HDAC9: variants seen among roughly 807,000 people sequenced by gnomAD.
HDAC9 encodes the protein MEF-2 interacting transcription repressor (MITR) protein.
HDAC9 carries 41 observed loss-of-function variants against 139.4 expected under a neutral mutation model. The observed-to-expected ratio is 0.29, with a 90% CI of 0.23 to 0.38. The LOEUF (loss-of-function observed/expected upper bound fraction) is 0.38. Ranked by LOEUF, HDAC9 falls within the 10% of genes least tolerant of loss-of-function variation. HDAC9 has a pLI of 1.00. For synonymous variants in HDAC9, 517 were observed against 476.2 expected, an observed-to-expected ratio of 1.09 and a Z score of -1.12; for missense variants, 1,147 against 1,297.0, an observed-to-expected ratio of 0.88 and a Z score of 1.78.
intron 2 of HDAC9, among the ~76,000 whole-genome samples, chr7:18,168,933 A>T (rs1267470147): frequency 9.4e-6 from 1 of 106,668 alleles, no homozygotes; most frequent in African/African-American, 4.2e-5. Flanking sequence ...GTGTGCGCGC[A>T]TGTGTCTCTG....
chr7:18,251,940 G>A (rs560639800), intron 2 of HDAC9, among the ~76,000 whole-genome samples: 30 of 152,238 alleles, frequency 2.0e-4, no homozygotes, highest in African/African-American at 7.0e-4. Flanking sequence ...GTATGTCCCC[G>A]AGAGTGCACT....
At chr7:18,161,593 A>C (rs769665739) in intron 1 of HDAC9, among the ~76,000 whole-genome samples, 1 of 152,180 alleles carries the variant, frequency 6.6e-6, no homozygotes, top group Non-Finnish European at 1.5e-5. Context: ...ATTAAAATTA[A>C]AAGCAGAAAG....
rs550872826 is a variant in HDAC9 at position 18,832,327 on chromosome 7, C to G, written c.2466+2779C>G. On this transcript the variant is annotated intron_variant, in intron 19 of 25. Coordinates refer to ENST00000686413, the MANE Select transcript of HDAC9 (RefSeq NM_178425.4). ...CGTTGTTGATCAAGTACATTTAGAT[C>G]TTTATTACAAGTCCCTATACTGAGT... Among the ~76,000 whole-genome samples, 83 of 152,280 alleles carry G rather than the reference C, an allele frequency of 5.5e-4. 1 individual carries two copies. The South Asian group carries it at 0.014, about 27-fold the overall frequency.
At chr7:18,763,189 TC>T (rs1300400844) in intron 15 of HDAC9, among the ~76,000 whole-genome samples, 1 of 152,168 alleles carries the variant, frequency 6.6e-6, no homozygotes, top group East Asian at 1.9e-4. Flanking sequence ...TATTAACTGG[TC>T]CTAAACAATT....
intron 14 of HDAC9, among the ~76,000 whole-genome samples, chr7:18,758,386 C>A (rs1043882541): frequency 1.3e-5 from 2 of 152,270 alleles, no homozygotes; most frequent in Admixed American, 1.3e-4. Context: ...TATTTTTTGA[C>A]TCTTTATGCT....
At chr7:18,343,215 T>G (rs995022700) in intron 1 of HDAC9, among the ~76,000 whole-genome samples, 20 of 151,918 alleles carry the variant, frequency 1.3e-4, no homozygotes, top group Middle Eastern at 3.4e-3. Flanking sequence ...ACTCATCAGT[T>G]TTTTTTAGGC....
At position 18,656,619 on chromosome 7, in the gene HDAC9, A is replaced by T. The variant is rs540216856; in HGVS notation, c.1467+7936A>T. ...CATAAACAGCAAATTTTTGAGGTTT[A>T]CAGTGAGGATTACATGAGAGAACAT... is the stretch of plus-strand genomic sequence containing the variant. On this transcript the variant is annotated intron_variant, in intron 11 of 25. Transcript: ENST00000686413. 4.6e-5 allele frequency among the ~76,000 whole-genome samples: 7 copies of T among 152,308 alleles called. No individual in the cohort carries two copies. In the East Asian group the frequency reaches 1.4e-3, roughly 29 times the overall value.
intron 16 of HDAC9, among the ~76,000 whole-genome samples, chr7:18,792,371 T>C (rs2129178626): frequency 6.6e-6 from 1 of 152,030 alleles, no homozygotes; most frequent in East Asian, 1.9e-4. Context: ...TATTTCCTGG[T>C]GCTTCAAATA....
intron 2 of HDAC9, among the ~76,000 whole-genome samples, chr7:18,245,864 A>C (rs1275771598): frequency 6.6e-6 from 1 of 152,016 alleles, no homozygotes; most frequent in African/African-American, 2.4e-5. Context: ...CCTGATATAT[A>C]TTTTTGAAAT....
Position 18,195,531 on chromosome 7 carries a change from GA to G in HDAC9, c.25+33187del, listed in dbSNP as rs1285244440. 8.5e-5 allele frequency among the ~76,000 whole-genome samples: 13 copies of G among 152,098 alleles called. 1 individual carries two copies. Among genetic ancestry groups the G allele is most frequent in the Non-Finnish European group, 1.3e-4 (9 of 68,006 alleles). On this transcript the variant is annotated intron_variant, in intron 2 of 12. Transcript: ENST00000417496. ...TGAGGTTTGTTGCCAAACAATTTCT[GA>G]AAAATCTTTTGTTCTTTAGGATCAG...
At chr7:18,819,600 C>T (rs368281994) in intron 17 of HDAC9, among the ~76,000 whole-genome samples, 20 of 152,180 alleles carry the variant, frequency 1.3e-4, no homozygotes, top group South Asian at 4.1e-4. Context: ...CTTGTACTTC[C>T]GCATATGGTC....
chr7:18,250,241 C>T (rs894287037), intron 2 of HDAC9, among the ~76,000 whole-genome samples: 8 of 152,304 alleles, frequency 5.3e-5, no homozygotes, highest in Non-Finnish European at 8.8e-5. Flanking sequence ...GGTTTAGAGG[C>T]AACATCTAAA....
intron 22 of HDAC9, among the ~76,000 whole-genome samples, chr7:18,883,182 A>C (rs554858206): frequency 3.3e-5 from 5 of 152,298 alleles, no homozygotes; most frequent in African/African-American, 1.2e-4. Flanking sequence ...GAATATGCCA[A>C]TGCAGAATAA....
chr7:18,208,820 A>G (rs754656427), intron 2 of HDAC9, among the ~76,000 whole-genome samples: 1 of 152,240 alleles, frequency 6.6e-6, no homozygotes, highest in Non-Finnish European at 1.5e-5. Context: ...TGAAAAATAA[A>G]GAGAGACTGG....
At chr7:18,341,795 T>A (rs543798159) in intron 1 of HDAC9, among the ~76,000 whole-genome samples, 2 of 151,978 alleles carry the variant, frequency 1.3e-5, no homozygotes, top group Admixed American at 6.6e-5. Flanking sequence ...TTTTTTATTA[T>A]ATGTGAAATA....
At chr7:18,101,481 T>A (rs1238622271) in intron 1 of HDAC9, among the ~76,000 whole-genome samples, 1 of 152,232 alleles carries the variant, frequency 6.6e-6, no homozygotes, top group Non-Finnish European at 1.5e-5. Flanking sequence ...CAATCCCTCT[T>A]ACTCAGTCTT....
At chr7:18,136,453 T>C (rs1442400923) in intron 1 of HDAC9, among the ~76,000 whole-genome samples, 1 of 152,084 alleles carries the variant, frequency 6.6e-6, no homozygotes, top group Non-Finnish European at 1.5e-5. Context: ...CGTTTAAGTC[T>C]TTAATCCATC....
At chr7:18,290,453 G>C (rs937036278) in exon 1 of HDAC9, 11 of 456,248 alleles carry the variant, frequency 2.4e-5, no homozygotes, top group Middle Eastern at 3.2e-4. Context: ...AAGTTCAGAA[G>C]GACTGAGCTA....
chr7:18,133,061 G>A (rs1785130559), intron 1 of HDAC9, among the ~76,000 whole-genome samples: 2 of 152,014 alleles, frequency 1.3e-5, no homozygotes, highest in South Asian at 4.1e-4. Context: ...TGATAGCAGT[G>A]GTCTGTTTGT....
Sources: gnomAD v4.1 joint callset for allele counts (sites outside exome capture counted in the v4.1 genomes callset) on GRCh38, gnomAD v4.1.1 for gene constraint, MANE v1.5 for transcripts, NCBI Gene and HGNC (gene_info 2026-07-23, HGNC 2026-07-21) for gene names.